The following SECISBP2L variants were observed in gnomAD, a reference collection of about 807,000 sequenced individuals.
SECISBP2L encodes the protein SECIS binding protein 2 like.
In SECISBP2L, 43 loss-of-function variants were observed where a neutral mutation model predicts 114.7. The observed-to-expected ratio is 0.38, with a 90% CI of 0.29 to 0.48. The LOEUF is 0.48. Among genes scored for constraint, SECISBP2L ranks in the 20% least tolerant of loss-of-function variants. SECISBP2L has a pLI of 0.98. For synonymous variants in SECISBP2L, 451 were observed against 439.7 expected (o/e 1.03, Z -0.32); for missense variants, 1,136 against 1,301.1 (o/e 0.87, Z 1.95).
At chr15:49,036,351 G>C (rs889708426) in intron 2 of SECISBP2L, among the ~76,000 whole-genome samples, 1 of 152,056 alleles carries the variant, frequency 6.6e-6, no homozygotes, top group African/African-American at 2.4e-5. Flanking sequence ...ATCAATATGG[G>C]GTCCTAAGGA....
In SECISBP2L at chr15:48,991,838, A is replaced by G. The variant is rs1879308532; in HGVS notation, c.*406T>C. ...TCCACCCCCAGTTCTTTTTTAAAGA[A>G]GCCCAAACAATTTTTTGGTCAAATT... is the stretch of plus-strand genomic sequence containing the variant. On this transcript the variant is annotated 3_prime_UTR_variant, in exon 18 of 18. Transcript: ENST00000559471. The G allele has an allele frequency of 6.4e-6, 1 of 155,276 alleles. No individual in the cohort carries two copies. The highest frequency in any genetic ancestry group is 2.4e-5 in the African/African-American group (1 of 41,558). The allele number at this position is 155,276 out of a possible 1,614,324, so 9.6% of individuals were successfully genotyped here. A position where few individuals can be genotyped will look rare whatever the true frequency, so the allele number is the denominator to read the frequency against.
chr15:49,004,781 A>G (rs1186298788), intron 14 of SECISBP2L, among the ~76,000 whole-genome samples: 1 of 152,128 alleles, frequency 6.6e-6, no homozygotes, highest in Non-Finnish European at 1.5e-5. Context: ...ATTTGATTGC[A>G]CTTGTTTTGA....
Position 49,040,527 on chromosome 15 carries a change from C to CTTTTTT in SECISBP2L, c.25-2764_25-2759dup, listed in dbSNP as rs66527715. On this transcript the variant is annotated intron_variant, in intron 1 of 17. Coordinates refer to ENST00000559471, the MANE Select transcript of SECISBP2L (RefSeq NM_001193489.2). ...AGGAGTGTTATGATCCCAAACTATT[C>CTTTTTT]TTTTTTTTTTTTTTTTTTTTTTTTT... Among the ~76,000 whole-genome samples the CTTTTTT allele has an allele frequency of 6.6e-4, 42 of 63,186 alleles. 6 individuals carry two copies. Among genetic ancestry groups the CTTTTTT allele is most frequent in the African/African-American group, 1.1e-3 (17 of 16,158 alleles). 41.5% of individuals were successfully genotyped at this position (63,186 alleles called of 152,430 possible). A position where few individuals can be genotyped will look rare whatever the true frequency, so the allele number is the denominator to read the frequency against.
intron 14 of SECISBP2L, among the ~76,000 whole-genome samples, chr15:49,005,641 T>A (rs578205797): frequency 4.7e-5 from 7 of 150,350 alleles, no homozygotes; most frequent in African/African-American, 1.7e-4. Context: ...TGAGCCTATG[T>A]GTGTCTTTGC....
intron 14 of SECISBP2L, among the ~76,000 whole-genome samples, chr15:49,003,569 G>A (rs1902254386): frequency 6.6e-6 from 1 of 152,212 alleles, no homozygotes; most frequent in African/African-American, 2.4e-5. Flanking sequence ...GATATTGGCT[G>A]TGGGTTTGTC....
At chr15:49,023,095 T>C (rs1256348137) in intron 7 of SECISBP2L, among the ~76,000 whole-genome samples, 1 of 150,910 alleles carries the variant, frequency 6.6e-6, no homozygotes, top group Non-Finnish European at 1.5e-5. Flanking sequence ...AAAAATAAAC[T>C]GTGCATGGCA....
At position 49,015,607 on chromosome 15, in the gene SECISBP2L, T is replaced by TA. The variant is rs555768056; in HGVS notation, c.1561+952dup. Among the ~76,000 whole-genome samples the TA allele has an allele frequency of 8.5e-5, 13 of 152,098 alleles. No individual in the cohort carries two copies. In the South Asian group the frequency reaches 2.3e-3, roughly 27 times the overall value. On this transcript the variant is annotated intron_variant, in intron 11 of 17. Coordinates refer to ENST00000559471, the MANE Select transcript of SECISBP2L (RefSeq NM_001193489.2). ...TTCCTTTGTTCTATTCCTCACCCTC[T>TA]AAAAAAAGACTATGAAAAGAAATGA...
At chr15:49,008,770 T>C (rs979524769) in intron 14 of SECISBP2L, among the ~76,000 whole-genome samples, 2 of 152,200 alleles carry the variant, frequency 1.3e-5, no homozygotes, top group Non-Finnish European at 2.9e-5. Context: ...GTTATCTCAA[T>C]TTAAGAACTT....
chr15:49,044,724 G>C (rs1460446554), intron 1 of SECISBP2L, among the ~76,000 whole-genome samples: 1 of 152,144 alleles, frequency 6.6e-6, no homozygotes, highest in Non-Finnish European at 1.5e-5. Context: ...AAGGGGAAAA[G>C]GCTCTCTAGT....
intron 4 of SECISBP2L, among the ~76,000 whole-genome samples, chr15:49,032,095 G>A (rs1902901079): frequency 6.6e-6 from 1 of 152,082 alleles, no homozygotes; most frequent in Non-Finnish European, 1.5e-5. Context: ...ACCGTAAAAA[G>A]ATACATAGAT....
chr15:49,028,697 A>G lies in SECISBP2L; in HGVS notation c.665-15T>C, dbSNP rs775250115. 2.5e-6 allele frequency: 4 copies of G among 1,591,138 alleles called. No homozygotes were observed. Among genetic ancestry groups the G allele is most frequent in the Admixed American group, 1.7e-5 (1 of 59,816 alleles). On this transcript the variant is annotated splice_polypyrimidine_tract_variant and intron_variant, in intron 4 of 17. Transcript: ENST00000559471. The stretch of plus-strand genomic sequence containing the variant: ...TGATGGGAAATCTACAAAGGCAAGG[A>G]AAGTTTGACAATTCTTTGTGATGAA...
intron 1 of SECISBP2L, among the ~76,000 whole-genome samples, chr15:49,043,547 C>A (rs1259098682): frequency 6.6e-6 from 1 of 151,394 alleles, no homozygotes; most frequent in Non-Finnish European, 1.5e-5. Flanking sequence ...AAAAATAGAA[C>A]CAGTAAGCCT....
chr15:49,017,643 A>T lies in SECISBP2L; in HGVS notation c.1171-15T>A, dbSNP rs1484439434. The stretch of plus-strand genomic sequence containing the variant: ...CCATCTTCATCCTGAAATGTTTCAC[A>T]TTTTAAGTAAAAAGAGTTCAAGGCA... On this transcript the variant is annotated splice_polypyrimidine_tract_variant and intron_variant, in intron 8 of 17. Transcript: ENST00000559471. 6.3e-7 allele frequency: 1 copy of T among 1,589,612 alleles called. No individual in the cohort carries two copies. The highest frequency in any genetic ancestry group is 1.1e-5 in the South Asian group (1 of 87,924).
chr15:49,000,775 A>G, intron 15 of SECISBP2L, 102 bp downstream of exon 15: 1 of 908,864 alleles, frequency 1.1e-6, no homozygotes, highest in Non-Finnish European at 1.6e-6. Flanking sequence ...ATATTGTTTT[A>G]TACCTAAACT....
In SECISBP2L at chr15:49,014,450, T is replaced by C. The variant is rs1009723981; in HGVS notation, c.1562-1633A>G. Among the ~76,000 whole-genome samples, 19 of 152,300 alleles carry C rather than the reference T, an allele frequency of 1.2e-4. No individual in the cohort carries two copies. The East Asian group carries it at 3.7e-3, about 29-fold the overall frequency. ...ACTTGTAACCTAAACTATACATTCA[T>C]AACTATATGCTAAATAGGAACCACC... On this transcript the variant is annotated intron_variant, in intron 11 of 17. Transcript: ENST00000559471.
intron 12 of SECISBP2L, among the ~76,000 whole-genome samples, chr15:49,012,096 C>T (rs1456759130): frequency 6.6e-6 from 1 of 151,514 alleles, no homozygotes; most frequent in Admixed American, 6.6e-5. Flanking sequence ...CAAACCATAT[C>T]TGATGCTTTA....
intron 7 of SECISBP2L, among the ~76,000 whole-genome samples, chr15:49,024,061 C>A (rs771950206): frequency 1.3e-5 from 2 of 151,890 alleles, no homozygotes; most frequent in African/African-American, 2.4e-5. Flanking sequence ...TAAAATTAGA[C>A]CTATACCAGA....
At chr15:49,020,252 G>T (rs1277133047) in intron 7 of SECISBP2L, among the ~76,000 whole-genome samples, 1 of 152,150 alleles carries the variant, frequency 6.6e-6, no homozygotes, top group Admixed American at 6.5e-5. Flanking sequence ...TGTTGCCCAG[G>T]CTGGAGTGCA....
Position 48,990,974 on chromosome 15 carries a change from C to T in SECISBP2L, c.*1270G>A, listed in dbSNP as rs1027452301. 4 of 152,162 alleles carry T rather than the reference C, an allele frequency of 2.6e-5. No homozygotes were observed. Among genetic ancestry groups the T allele is most frequent in the African/African-American group, 9.7e-5 (4 of 41,424 alleles). 9.4% of individuals were successfully genotyped at this position (152,162 alleles called of 1,614,324 possible). On this transcript the variant is annotated 3_prime_UTR_variant, in exon 18 of 18. Transcript: ENST00000559471. ...TCACTGAAGTCCAGGTGGTGACTGACTAGCAAATAAAACATTTAGCTCATT... is the reference window on the plus strand; with the variant it reads ...TCACTGAAGTCCAGGTGGTGACTGATTAGCAAATAAAACATTTAGCTCATT...
Sources: gnomAD v4.1 joint callset for allele counts (sites outside exome capture counted in the v4.1 genomes callset) on GRCh38, gnomAD v4.1.1 for gene constraint, MANE v1.5 for transcripts, NCBI Gene and HGNC (gene_info 2026-07-23, HGNC 2026-07-21) for gene names.